The following GREB1L variants were observed in gnomAD, a reference collection of about 807,000 sequenced individuals.
The protein encoded by GREB1L is GREB1 like retinoic acid receptor coactivator.
In GREB1L, 17 loss-of-function variants were observed where a neutral mutation model predicts 200.8. The ratio of observed to expected loss-of-function variants is 0.08; its 90% confidence interval spans 0.06 to 0.13. The LOEUF is 0.13. Ranked by LOEUF, GREB1L falls within the 10% of genes least tolerant of loss-of-function variation. The probability of loss-of-function intolerance (pLI) is 1.00; values close to 1 mark genes in which losing one functional copy is unlikely to be tolerated. For missense variants in GREB1L, 1,657 were observed against 2,367.7 expected (o/e 0.70, Z 6.23); for synonymous variants, 789 against 893.0 (o/e 0.88, Z 2.08).
At chr18:21,355,785 G>A (rs2039494296) in intron 1 of GREB1L, among the ~76,000 whole-genome samples, 1 of 152,078 alleles carries the variant, frequency 6.6e-6, no homozygotes, top group African/African-American at 2.4e-5. Context: ...CTTTCTTTAT[G>A]ACATGGTTTA....
intron 16 of GREB1L, 118 bp from the exon 17 acceptor site, chr18:21,477,046 G>T: frequency 1.6e-6 from 1 of 634,558 alleles, no homozygotes; most frequent in Non-Finnish European, 2.5e-6. Flanking sequence ...TTTCTTCTCT[G>T]CTCCCAATTG....
chr18:21,301,076 T>C (rs2038609735), intron 1 of GREB1L, among the ~76,000 whole-genome samples: 1 of 152,114 alleles, frequency 6.6e-6, no homozygotes, highest in South Asian at 2.1e-4. Context: ...CATTTGAGAG[T>C]GTTTGATATC....
chr18:21,473,288 G>T (rs1158909607), intron 16 of GREB1L, 77 bp downstream of exon 16: 1 of 1,157,316 alleles, frequency 8.6e-7, no homozygotes, highest in Middle Eastern at 2.1e-4. Context: ...TGTTAAAGAT[G>T]GCCAGGCGCG....
chr18:21,252,790 C>G (rs556333368), intron 1 of GREB1L, among the ~76,000 whole-genome samples: 31 of 152,154 alleles, frequency 2.0e-4, no homozygotes, highest in African/African-American at 7.0e-4. Flanking sequence ...ATCGCTTGAA[C>G]CCGGGAGGCG....
chr18:21,333,533 G>C (rs2039138440), intron 1 of GREB1L, among the ~76,000 whole-genome samples: 1 of 152,000 alleles, frequency 6.6e-6, no homozygotes, highest in Non-Finnish European at 1.5e-5. Flanking sequence ...AAATTAGCTG[G>C]GTGTGGTGGC....
chr18:21,483,353 A>G (rs1470412168), intron 17 of GREB1L, among the ~76,000 whole-genome samples: 2 of 152,220 alleles, frequency 1.3e-5, no homozygotes, highest in African/African-American at 2.4e-5. Flanking sequence ...CAGTCCAGAT[A>G]AGGAGGGAAA....
At chr18:21,519,034 T>C (rs1251570680) in intron 31 of GREB1L, among the ~76,000 whole-genome samples, 2 of 152,234 alleles carry the variant, frequency 1.3e-5, no homozygotes, top group East Asian at 3.8e-4. Flanking sequence ...AGTCACTGTA[T>C]TCAGTTTTGG....
chr18:21,462,157 C>T (rs189956859), intron 15 of GREB1L, among the ~76,000 whole-genome samples: 8 of 152,338 alleles, frequency 5.3e-5, no homozygotes, highest in Non-Finnish European at 1.2e-4. Context: ...CTTAGTACCA[C>T]CATCAGTGCC....
At chr18:21,426,857 G>A (rs186528793) in intron 7 of GREB1L, among the ~76,000 whole-genome samples, 52 of 151,748 alleles carry the variant, frequency 3.4e-4, no homozygotes, top group Middle Eastern at 3.4e-3. Flanking sequence ...TACTCAGGAG[G>A]CTGAGGCAGG....
chr18:21,265,193 T>C (rs2037946928), intron 1 of GREB1L, among the ~76,000 whole-genome samples: 1 of 152,226 alleles, frequency 6.6e-6, no homozygotes, highest in African/African-American at 2.4e-5. Context: ...TGCCTTAAAA[T>C]TGTTAGATTC....
intron 1 of GREB1L, among the ~76,000 whole-genome samples, chr18:21,291,180 A>G (rs1290462561): frequency 6.6e-6 from 1 of 152,076 alleles, no homozygotes; most frequent in Admixed American, 6.6e-5. Context: ...TACCCTAGCT[A>G]TACTGAGGAC....
At chr18:21,255,704 C>A (rs1393479440) in intron 1 of GREB1L, among the ~76,000 whole-genome samples, 1 of 152,152 alleles carries the variant, frequency 6.6e-6, no homozygotes, top group African/African-American at 2.4e-5. Context: ...CTATAGCATT[C>A]ATAGTTTATA....
chr18:21,278,430 A>AAATAAAT (rs1163921892), intron 1 of GREB1L, among the ~76,000 whole-genome samples: 1 of 150,038 alleles, frequency 6.7e-6, no homozygotes, highest in Non-Finnish European at 1.5e-5. Context: ...ATAAATAAAT[A>AAATAAAT]AAGTTACAAC....
chr18:21,417,413 C>T (rs1447483732), intron 7 of GREB1L, among the ~76,000 whole-genome samples: 1 of 151,852 alleles, frequency 6.6e-6, no homozygotes, highest in Admixed American at 6.6e-5. Context: ...ATTTGGGAAG[C>T]GGAGGCACGA....
intron 1 of GREB1L, among the ~76,000 whole-genome samples, chr18:21,303,546 T>C (rs887986959): frequency 3.9e-5 from 6 of 152,242 alleles, no homozygotes; most frequent in Admixed American, 2.6e-4. Flanking sequence ...CACTCTTCAC[T>C]TACTGATTCA....
At position 21,401,286 on chromosome 18, in the gene GREB1L, C is replaced by T. The variant is rs1390574461; in HGVS notation, c.669C>T (p.Ser223=). ...KHLKYYLVRS[S]QGVLSKGPLI... ...TAAAGTACTACCTAGTCAGAAGCTC[C>T]CAGGGTGTACTGTCTAAAGGACCTC... Residue 223 remains serine, a synonymous_variant, in exon 6 of 33, where the codon TCC becomes TCT. Coordinates refer to ENST00000424526, the MANE Select transcript of GREB1L (RefSeq NM_001142966.3). 2.6e-6 allele frequency: 4 copies of T among 1,551,602 alleles called. No individual in the cohort carries two copies. In the Admixed American group the frequency reaches 5.9e-5, roughly 23 times the overall value.
chr18:21,395,593 A>G, intron 5 of GREB1L, 32 bp downstream of exon 5: 1 of 1,452,154 alleles, frequency 6.9e-7, no homozygotes, highest in Non-Finnish European at 9.3e-7. Context: ...AATTCCTTCC[A>G]ATATGAGGGA....
chr18:21,437,545 A>G (rs2033624279), intron 7 of GREB1L, among the ~76,000 whole-genome samples: 1 of 152,086 alleles, frequency 6.6e-6, no homozygotes, highest in South Asian at 2.1e-4. Flanking sequence ...GAAGTACTGT[A>G]TACCACAGTA....
chr18:21,517,109 A>C (rs1014103411), intron 30 of GREB1L, among the ~76,000 whole-genome samples: 1 of 152,074 alleles, frequency 6.6e-6, no homozygotes, highest in Non-Finnish European at 1.5e-5. Context: ...CCTGACCTCA[A>C]GTGATCCACC....
Sources: gnomAD v4.1 joint callset for allele counts (sites outside exome capture counted in the v4.1 genomes callset) on GRCh38, gnomAD v4.1.1 for gene constraint, MANE v1.5 for transcripts, NCBI Gene and HGNC (gene_info 2026-07-23, HGNC 2026-07-21) for gene names.